Variants in TMEM178A observed in about 807,000 individuals in gnomAD.
The protein encoded by TMEM178A is transmembrane protein 178A, also known as transmembrane protein 178.
Under a neutral mutation model 29.1 loss-of-function variants are expected in TMEM178A, and 12 were observed. That is an observed-to-expected ratio of 0.41 (90% CI 0.26 to 0.67). The LOEUF (loss-of-function observed/expected upper bound fraction) is 0.67. Ranked by LOEUF, TMEM178A falls within the 30% of genes least tolerant of loss-of-function variation. The pLI, the probability that TMEM178A is intolerant of heterozygous loss-of-function variation, is 0.29. For synonymous variants in TMEM178A, 210 were observed against 187.2 expected (o/e 1.12, Z -0.99); for missense variants, 366 against 419.1 (o/e 0.87, Z 1.11).
intron 3 of TMEM178A, among the ~76,000 whole-genome samples, chr2:39,707,388 T>G (rs1672082017): frequency 6.6e-6 from 1 of 152,222 alleles, no homozygotes. Context: ...ATATCCCCAT[T>G]GTGGCCTGTT....
chr2:39,713,191 A>G (rs188389798), intron 3 of TMEM178A, among the ~76,000 whole-genome samples: 60 of 152,356 alleles, frequency 3.9e-4, no homozygotes, highest in Non-Finnish European at 5.9e-5. Context: ...GTGACCAAGA[A>G]GAGCTCATGA....
At chr2:39,721,543 G>A (rs558227457), downstream of TMEM178A, among the ~76,000 whole-genome samples, 1 of 152,300 alleles carries the variant, frequency 6.6e-6, no homozygotes, top group South Asian at 2.1e-4. Context: ...ACAGGACCAT[G>A]GGTCTAGAGC....
intron 1 of TMEM178A, among the ~76,000 whole-genome samples, chr2:39,691,047 A>G (rs760643155): frequency 6.6e-5 from 10 of 152,218 alleles, no homozygotes; most frequent in Non-Finnish European, 1.2e-4. Context: ...AGAAACAAAC[A>G]AACAAAAGAA....
chr2:39,732,134 A>G, the TMEM178A span, among the ~76,000 whole-genome samples: 2 of 152,174 alleles, frequency 1.3e-5, no homozygotes, highest in African/African-American at 4.8e-5. Context: ...GGAAAAGTGT[A>G]TAATGTGGAC....
At chr2:39,723,889 T>A in the TMEM178A span, among the ~76,000 whole-genome samples, 1 of 152,208 alleles carries the variant, frequency 6.6e-6, no homozygotes, top group South Asian at 2.1e-4. Context: ...CAACATGTTA[T>A]ACATCTAGAT....
intron 1 of TMEM178A, among the ~76,000 whole-genome samples, chr2:39,668,841 T>A (rs1670286446): frequency 6.6e-6 from 1 of 152,118 alleles, no homozygotes; most frequent in South Asian, 2.1e-4. Context: ...AAATTCTGAG[T>A]CTATGAATAA....
At chr2:39,674,318 A>G (rs1670524374) in intron 1 of TMEM178A, among the ~76,000 whole-genome samples, 1 of 152,256 alleles carries the variant, frequency 6.6e-6, no homozygotes, top group Non-Finnish European at 1.5e-5. Context: ...TGTACACAAT[A>G]GAATACTACT....
chr2:39,675,082 G>A (rs1292741842), intron 1 of TMEM178A, among the ~76,000 whole-genome samples: 1 of 152,190 alleles, frequency 6.6e-6, no homozygotes, highest in Non-Finnish European at 1.5e-5. Context: ...CAGAATGCCT[G>A]TGAGCAAGGG....
chr2:39,704,931 CAG>C (rs1671959298), intron 2 of TMEM178A, among the ~76,000 whole-genome samples: 1 of 152,224 alleles, frequency 6.6e-6, no homozygotes, highest in Non-Finnish European at 1.5e-5. Flanking sequence ...GAAAACTAAT[CAG>C]AGTCTCTCAT....
chr2:39,719,727 C>G (rs548527076), downstream of TMEM178A, among the ~76,000 whole-genome samples: 15 of 152,168 alleles, frequency 9.9e-5, no homozygotes, highest in African/African-American at 3.6e-4. Flanking sequence ...CACACACCCC[C>G]CTTTTTAACA....
At chr2:39,726,267 C>T in the TMEM178A span, among the ~76,000 whole-genome samples, 902 of 152,186 alleles carry the variant, frequency 5.9e-3, 11 homozygotes, top group African/African-American at 0.021. Context: ...GGGAAGCTGG[C>T]GTTGGCCTCT....
chr2:39,717,257 C>T lies in TMEM178A; in HGVS notation c.*6C>T. 1.2e-6 allele frequency: 2 copies of T among 1,613,058 alleles called. No homozygotes were observed. The highest frequency in any genetic ancestry group is 2.7e-5 in the African/African-American group (2 of 74,856). ...GCAGAGACTCCACGGTATGACTGTC[C>T]TCACTGGGCCTGTCCACAGTGCGAG... On this transcript the variant is annotated 3_prime_UTR_variant, in exon 4 of 4. Transcript: ENST00000281961.
intron 1 of TMEM178A, among the ~76,000 whole-genome samples, chr2:39,690,947 T>G (rs1352736791): frequency 6.6e-6 from 1 of 152,186 alleles, no homozygotes; most frequent in Non-Finnish European, 1.5e-5. Context: ...GTGAAAATTC[T>G]ACAGAGAGCC....
At chr2:39,728,691 C>T in the TMEM178A span, among the ~76,000 whole-genome samples, 2 of 152,014 alleles carry the variant, frequency 1.3e-5, no homozygotes, top group Admixed American at 1.3e-4. Context: ...CGATCTACAT[C>T]ACTGTCACTC....
At chr2:39,684,438 A>G (rs915667586) in intron 1 of TMEM178A, among the ~76,000 whole-genome samples, 7 of 152,362 alleles carry the variant, frequency 4.6e-5, no homozygotes, top group African/African-American at 1.7e-4. Flanking sequence ...ATGTATACAC[A>G]AACATATTAT....
rs187667183 is a variant in TMEM178A at position 39,669,899 on chromosome 2, G to T, written c.400+3525G>T. ...CCAATTCAGTAAATGCCCATTAGAA[G>T]CTTATTATGTGCAAGGTAATGTTAG... On this transcript the variant is annotated intron_variant, in intron 1 of 3. Transcript: ENST00000281961. Among the ~76,000 whole-genome samples the T allele has an allele frequency of 2.0e-5, 3 of 152,266 alleles. No individual in the cohort carries two copies. In the East Asian group the frequency reaches 5.8e-4, roughly 29 times the overall value.
intron 3 of TMEM178A, among the ~76,000 whole-genome samples, chr2:39,712,942 C>T (rs960491530): frequency 2.0e-5 from 3 of 152,204 alleles, no homozygotes; most frequent in Non-Finnish European, 2.9e-5. Flanking sequence ...CATAGGTAAT[C>T]CCTACTTGGG....
intron 1 of TMEM178A, 68 bp downstream of exon 1, chr2:39,666,442 G>A (rs1670163192): frequency 8.3e-7 from 1 of 1,207,884 alleles, no homozygotes; most frequent in Non-Finnish European, 1.0e-6. Context: ...CTTCCCAGGG[G>A]CGCGCCGGTC....
At chr2:39,669,062 T>A (rs904995204) in intron 1 of TMEM178A, among the ~76,000 whole-genome samples, 1 of 152,248 alleles carries the variant, frequency 6.6e-6, no homozygotes, top group African/African-American at 2.4e-5. Context: ...TTCTTTCTTC[T>A]ATGAGTTACC....
Sources: gnomAD v4.1 joint callset for allele counts (sites outside exome capture counted in the v4.1 genomes callset) on GRCh38, gnomAD v4.1.1 for gene constraint, MANE v1.5 for transcripts, NCBI Gene and HGNC (gene_info 2026-07-23, HGNC 2026-07-21) for gene names.